Variants in SLC36A1 observed in about 807,000 individuals in gnomAD.
SLC36A1 encodes the protein solute carrier family 36 member 1, also known as proton-coupled amino acid transporter 1.
SLC36A1 carries 30 observed loss-of-function variants against 47.5 expected under a neutral mutation model. The ratio of observed to expected loss-of-function variants is 0.63; its 90% confidence interval spans 0.47 to 0.86. The LOEUF is 0.86. Ranked by LOEUF, SLC36A1 falls within the 40% of genes least tolerant of loss-of-function variation. The probability of loss-of-function intolerance (pLI) is 0.00; values close to 1 mark genes in which losing one functional copy is unlikely to be tolerated. For synonymous variants in SLC36A1, 255 were observed against 249.7 expected (o/e 1.02, Z -0.20); for missense variants, 517 against 606.0 (o/e 0.85, Z 1.54).
chr5:151,380,869 G>T, the SLC36A1 span: 1 of 435,308 alleles, frequency 2.3e-6, no homozygotes. Context: ...CAAAGGCAAG[G>T]GATGTGAAGA....
At chr5:151,504,805 T>C in the SLC36A1 span, 1 of 152,624 alleles carries the variant, frequency 6.6e-6, no homozygotes, top group Non-Finnish European at 1.5e-5. Flanking sequence ...GGTTCAGAGC[T>C]GTGTAGACTC....
At chr5:151,401,316 T>A in the SLC36A1 span, among the ~76,000 whole-genome samples, 1 of 152,206 alleles carries the variant, frequency 6.6e-6, no homozygotes, top group Non-Finnish European at 1.5e-5. Context: ...GTCAACTTTG[T>A]CAAAGATCCG....
the SLC36A1 span, among the ~76,000 whole-genome samples, chr5:151,395,769 GGAAACACTCA>G: frequency 6.6e-6 from 1 of 151,908 alleles, no homozygotes; most frequent in Non-Finnish European, 1.5e-5. Flanking sequence ...TTATGACATA[GGAAACACTCA>G]GTGAATACTT....
Position 151,465,182 on chromosome 5 carries a change from CTCCT to C in SLC36A1, c.419+19_419+22del, listed in dbSNP as rs1756162671. 1 of 1,606,896 alleles carries C rather than the reference CTCCT, an allele frequency of 6.2e-7. No homozygotes were observed. The highest frequency in any genetic ancestry group is 8.5e-7 in the Non-Finnish European group (1 of 1,173,316). On this transcript the variant is annotated intron_variant, in intron 5 of 10. Coordinates refer to ENST00000243389, the MANE Select transcript of SLC36A1 (RefSeq NM_078483.4). ...CACACTGGGGAAGGTAACTGATTTC[CTCCT>C]TCCTTTCAACTGTGGCCTCCCAGTG... is the stretch of plus-strand genomic sequence containing the variant.
At chr5:151,481,933 T>A (rs1309794302) in intron 10 of SLC36A1, among the ~76,000 whole-genome samples, 1 of 152,156 alleles carries the variant, frequency 6.6e-6, no homozygotes, top group Non-Finnish European at 1.5e-5. Flanking sequence ...GGATCAACGG[T>A]TTTTTAGATT....
At chr5:151,473,597 C>T (rs1257637243) in intron 7 of SLC36A1, 76 bp from the exon 8 acceptor site, 8 of 935,374 alleles carry the variant, frequency 8.6e-6, no homozygotes, top group East Asian at 2.4e-5. Context: ...ATGACCTCTC[C>T]GATTCAGAGT....
chr5:151,473,760 G>A lies in SLC36A1; in HGVS notation c.811G>A (p.Gly271Ser). The change falls in exon 8 of 11, where the codon GGC (glycine) becomes AGC (serine). Residue 271 changes from glycine (G) to serine (S), a missense_variant. Gly to Ser is a moderately conservative substitution (Grantham distance 56). Coordinates refer to ENST00000243389, the MANE Select transcript of SLC36A1 (RefSeq NM_078483.4). ...TGGCACAGCGATTTTTTCATTTGAA[G>A]GCATTGGAATGGTAAGAGCTGCACT... ...FFGTAIFSFE[G>S]IGMVLPLENK... 6.2e-7 allele frequency: 1 copy of A among 1,613,444 alleles called. No homozygotes were observed.
At chr5:151,353,754 A>G in the SLC36A1 span, among the ~76,000 whole-genome samples, 2 of 152,222 alleles carry the variant, frequency 1.3e-5, no homozygotes, top group South Asian at 4.2e-4. Context: ...GCAACTACTG[A>G]TATTTTCACT....
At chr5:151,534,575 C>T in the SLC36A1 span, 19 of 1,613,990 alleles carry the variant, frequency 1.2e-5, no homozygotes, top group Middle Eastern at 3.3e-4. Context: ...CTCCATCCGT[C>T]GCCTTGGCAA....
the SLC36A1 span, among the ~76,000 whole-genome samples, chr5:151,389,076 G>C: frequency 6.6e-6 from 1 of 152,174 alleles, no homozygotes; most frequent in Non-Finnish European, 1.5e-5. Flanking sequence ...CTACAGGAAA[G>C]AGTTACAAAC....
chr5:151,472,422 A>G (rs1201535604), intron 7 of SLC36A1, among the ~76,000 whole-genome samples: 2 of 152,240 alleles, frequency 1.3e-5, no homozygotes, highest in Non-Finnish European at 2.9e-5. Flanking sequence ...AAATGTGGCA[A>G]CACCCTCACA....
At chr5:151,550,639 C>T in the SLC36A1 span, 22 of 1,614,072 alleles carry the variant, frequency 1.4e-5, no homozygotes, top group East Asian at 4.5e-4. Context: ...GTCCAATTTT[C>T]CCACCGTTAC....
the SLC36A1 span, among the ~76,000 whole-genome samples, chr5:151,532,399 A>G: frequency 6.8e-6 from 1 of 146,036 alleles, no homozygotes; most frequent in African/African-American, 2.7e-5. Context: ...ACACACACAC[A>G]CACACACACA....
At chr5:151,355,026 C>T in the SLC36A1 span, among the ~76,000 whole-genome samples, 3 of 152,014 alleles carry the variant, frequency 2.0e-5, no homozygotes, top group Admixed American at 6.6e-5. Context: ...CCCTACTGAC[C>T]GAGGAAAAAC....
chr5:151,474,178 A>AAAGAG (rs776318482), intron 8 of SLC36A1, among the ~76,000 whole-genome samples: 7 of 119,016 alleles, frequency 5.9e-5, no homozygotes, highest in African/African-American at 2.2e-4. Flanking sequence ...AAAAAAAAAA[A>AAAGAG]AGAAATTATC....
the SLC36A1 span, among the ~76,000 whole-genome samples, chr5:151,537,321 GAA>G: frequency 4.4e-5 from 1 of 22,534 alleles, no homozygotes; most frequent in African/African-American, 1.9e-4. Flanking sequence ...AAAAGAAAGA[GAA>G]AAAAAGAAAG....
At chr5:151,483,988 T>C (rs1362452444) in intron 10 of SLC36A1, among the ~76,000 whole-genome samples, 3 of 152,186 alleles carry the variant, frequency 2.0e-5, no homozygotes, top group Non-Finnish European at 4.4e-5. Context: ...ATGTTTATCT[T>C]ATATAGTGGT....
the SLC36A1 span, chr5:151,521,277 A>G: frequency 6.2e-7 from 1 of 1,603,818 alleles, no homozygotes; most frequent in South Asian, 1.1e-5. Flanking sequence ...AGTACTTACC[A>G]TTGCAGGAGC....
At chr5:151,521,553 C>T in the SLC36A1 span, 5 of 1,614,218 alleles carry the variant, frequency 3.1e-6, 1 homozygote, top group Admixed American at 8.3e-5. Context: ...GGAGCACATC[C>T]ACACCAGCCA....
Sources: allele counts gnomAD v4.1 joint callset (sites outside exome capture counted in the v4.1 genomes callset), GRCh38; gene constraint gnomAD v4.1.1; transcripts MANE v1.5; gene names NCBI Gene and HGNC (gene_info 2026-07-23, HGNC 2026-07-21).